RBFOX1: variants seen among roughly 807,000 people sequenced by gnomAD.
RBFOX1 encodes RNA binding protein fox-1 homolog 1.
Under a neutral mutation model 57.7 loss-of-function variants are expected in RBFOX1, and 8 were observed. The observed-to-expected ratio is 0.14, with a 90% CI of 0.08 to 0.25. The LOEUF (loss-of-function observed/expected upper bound fraction) is 0.25. Ranked by LOEUF, RBFOX1 falls within the 10% of genes least tolerant of loss-of-function variation. The pLI is 1.00. For synonymous variants in RBFOX1, 326 were observed against 222.4 expected (o/e 1.47, Z -4.15); for missense variants, 611 against 548.5 (o/e 1.11, Z -1.14).
At chr16:5,300,803 C>G (rs1012376830) in intron 1 of RBFOX1, among the ~76,000 whole-genome samples, 13 of 152,104 alleles carry the variant, frequency 8.5e-5, no homozygotes, top group Non-Finnish European at 1.8e-4. Flanking sequence ...TTTTGAAAAA[C>G]AAAATTTTTG....
chr16:6,643,491 T>A (rs1012686101), intron 2 of RBFOX1, among the ~76,000 whole-genome samples: 1 of 152,184 alleles, frequency 6.6e-6, no homozygotes, highest in Non-Finnish European at 1.5e-5. Context: ...AGAATTCTGC[T>A]GAAAGGCAAG....
chr16:6,781,285 G>C (rs1344847826), intron 3 of RBFOX1, among the ~76,000 whole-genome samples: 1 of 152,074 alleles, frequency 6.6e-6, no homozygotes, highest in South Asian at 2.1e-4. Context: ...ATTCCCATTT[G>C]ATCATGATGA....
At position 7,542,521 on chromosome 16, in the gene RBFOX1, G is replaced by C. The variant is rs188538700; in HGVS notation, c.270+24132G>C. On this transcript the variant is annotated intron_variant, in intron 5 of 15. Transcript: ENST00000550418. Reference sequence around the variant, plus strand: ...TAGAAAGAAAGAGAAGACATGAAGGGCGAAGGAAGGGGAAAGAGAAACAGA... The same window carrying C: ...TAGAAAGAAAGAGAAGACATGAAGGCCGAAGGAAGGGGAAAGAGAAACAGA... Among the ~76,000 whole-genome samples the C allele has an allele frequency of 2.0e-4, 31 of 151,808 alleles. 1 individual carries two copies. The highest frequency in any genetic ancestry group is 7.5e-4 in the African/African-American group (31 of 41,396).
chr16:7,668,119 C>A (rs2070026118), intron 13 of RBFOX1, among the ~76,000 whole-genome samples: 1 of 152,212 alleles, frequency 6.6e-6, no homozygotes, highest in South Asian at 2.1e-4. Context: ...AACAACTCAA[C>A]AGCTTGCATC....
rs570865369 is a variant in RBFOX1, at chr16:7,043,351, A to G, written c.-15-8706A>G. On this transcript the variant is annotated intron_variant, in intron 3 of 15. Coordinates refer to ENST00000550418, the MANE Select transcript of RBFOX1 (RefSeq NM_018723.4). ...CCTGTCTTTTTTAAATAAAATGTAC[A>G]ATGTGTCATTTAGATACACACCCCC... 4.1e-4 allele frequency among the ~76,000 whole-genome samples: 63 copies of G among 152,266 alleles called. 2 individuals carry two copies. The highest frequency in any genetic ancestry group is 2.2e-3 in the Admixed American group (33 of 15,284).
intron 2 of RBFOX1, among the ~76,000 whole-genome samples, chr16:6,618,674 C>G (rs976602726): frequency 1.3e-5 from 2 of 152,186 alleles, no homozygotes; most frequent in East Asian, 1.9e-4. Context: ...ATTCACATCA[C>G]TTTAATGTGA....
rs554930834 is a variant in RBFOX1, at chr16:6,557,102, C to CATACATAT, written c.-63-97485_-63-97478dup. Among the ~76,000 whole-genome samples the CATACATAT allele has an allele frequency of 1.0e-3, 146 of 144,374 alleles. 1 individual carries two copies. Among genetic ancestry groups the CATACATAT allele is most frequent in the Middle Eastern group, 3.6e-3 (1 of 280 alleles). 94.7% of individuals were successfully genotyped at this position (144,374 alleles called of 152,430 possible). A position where few individuals can be genotyped will look rare whatever the true frequency, so the allele number is the denominator to read the frequency against. ...ATATATACATACATATACATATATACATACATATATACATATATACATACA... is the reference window on the plus strand; with the variant it reads ...ATATATACATACATATACATATATACATACATATATACATATATACATATATACATACA... On this transcript the variant is annotated intron_variant, in intron 2 of 15. Transcript: ENST00000550418.
At chr16:6,640,363 C>G (rs1453192491) in intron 2 of RBFOX1, among the ~76,000 whole-genome samples, 2 of 152,044 alleles carry the variant, frequency 1.3e-5, no homozygotes. Context: ...AATCCCAGAA[C>G]TTGGGGAGGC....
At chr16:6,966,740 C>A (rs1390246068) in intron 3 of RBFOX1, among the ~76,000 whole-genome samples, 4 of 151,906 alleles carry the variant, frequency 2.6e-5, no homozygotes, top group African/African-American at 9.7e-5. Flanking sequence ...TGTAACTCTG[C>A]CTGCCTCTAT....
At chr16:5,584,644 A>C (rs1596345479) in intron 2 of RBFOX1, among the ~76,000 whole-genome samples, 1 of 152,246 alleles carries the variant, frequency 6.6e-6, no homozygotes, top group African/African-American at 2.4e-5. Context: ...GGTTACCCTC[A>C]GGTGTCTGAG....
intron 3 of RBFOX1, among the ~76,000 whole-genome samples, chr16:6,808,052 C>G (rs1014201092): frequency 6.7e-6 from 1 of 149,268 alleles, no homozygotes; most frequent in Non-Finnish European, 1.5e-5. Flanking sequence ...ATATACTATC[C>G]TATACAATAG....
Position 7,189,572 on chromosome 16 carries a change from CACACACACACACACAT to C in RBFOX1, c.27+137484_27+137499del, listed in dbSNP as rs1022624573. 1.6e-4 allele frequency among the ~76,000 whole-genome samples: 24 copies of C among 150,728 alleles called. No homozygotes were observed. The East Asian group carries it at 4.3e-3, about 27-fold the overall frequency. On this transcript the variant is annotated intron_variant, in intron 4 of 15. Transcript: ENST00000550418. ...CCCCCAAAACACACACACACACACA[CACACACACACACACAT>C]ACACACACAAAATAGAGCACATAAG...
chr16:5,669,747 G>A (rs773072016), intron 3 of RBFOX1, among the ~76,000 whole-genome samples: 20 of 152,138 alleles, frequency 1.3e-4, no homozygotes, highest in Admixed American at 2.6e-4. Flanking sequence ...GAAAACACAA[G>A]GAAAGAGCAT....
At chr16:5,810,240 G>T (rs1016725842) in intron 3 of RBFOX1, among the ~76,000 whole-genome samples, 1 of 151,834 alleles carries the variant, frequency 6.6e-6, no homozygotes, top group Non-Finnish European at 1.5e-5. Context: ...CTGAGTTAAT[G>T]GGTGCAGCAC....
intron 3 of RBFOX1, among the ~76,000 whole-genome samples, chr16:5,784,392 A>C (rs2054428899): frequency 4.0e-5 from 6 of 151,768 alleles, no homozygotes; most frequent in African/African-American, 2.4e-5. Flanking sequence ...GCACCACTGC[A>C]CTCCAGCCTG....
At chr16:5,508,696 G>A (rs1451279609) in intron 2 of RBFOX1, among the ~76,000 whole-genome samples, 2 of 152,150 alleles carry the variant, frequency 1.3e-5, no homozygotes, top group East Asian at 3.9e-4. Context: ...CAGAGCGATT[G>A]CACAGAGTGC....
At chr16:6,653,872 A>G (rs114387553) in intron 2 of RBFOX1, among the ~76,000 whole-genome samples, 2,344 of 150,792 alleles carry the variant, frequency 0.016, 65 homozygotes, top group African/African-American at 0.053. Flanking sequence ...CTGGGTGGAT[A>G]GCTGGATGGA....
At chr16:7,311,466 G>T (rs970258486) in intron 4 of RBFOX1, among the ~76,000 whole-genome samples, 8 of 141,062 alleles carry the variant, frequency 5.7e-5, no homozygotes, top group African/African-American at 2.1e-4. Flanking sequence ...GTTTAGTCTT[G>T]ATGAGCCTTT....
chr16:7,215,443 A>C (rs983067497), intron 4 of RBFOX1, among the ~76,000 whole-genome samples: 3 of 152,214 alleles, frequency 2.0e-5, no homozygotes, highest in Non-Finnish European at 2.9e-5. Context: ...GATAGACTGG[A>C]TAAGGAAAAT....
Sources: gnomAD v4.1 joint callset for allele counts (sites outside exome capture counted in the v4.1 genomes callset) on GRCh38, gnomAD v4.1.1 for gene constraint, MANE v1.5 for transcripts, NCBI Gene and HGNC (gene_info 2026-07-23, HGNC 2026-07-21) for gene names.